ATP8B4: variants seen among roughly 807,000 people sequenced by gnomAD.
ATP8B4 encodes the protein probable phospholipid-transporting ATPase IM.
A neutral mutation model predicts 145.6 loss-of-function variants in ATP8B4; 133 were observed. The observed-to-expected ratio is 0.91, with a 90% CI of 0.79 to 1.05. The LOEUF is 1.05. ATP8B4 is among the 50% of genes least tolerant of loss of function. The pLI, the probability that ATP8B4 is intolerant of heterozygous loss-of-function variation, is 0.00. For missense variants in ATP8B4, 1,458 were observed against 1,425.2 expected, an observed-to-expected ratio of 1.02 and a Z score of -0.37; for synonymous variants, 507 against 492.9, an observed-to-expected ratio of 1.03 and a Z score of -0.38.
Position 49,922,478 on chromosome 15 carries a change from T to C in ATP8B4, c.1758+901A>G, listed in dbSNP as rs983342681. 15 of 397,206 alleles carry C rather than the reference T, an allele frequency of 3.8e-5. No individual in the cohort carries two copies. In the East Asian group the frequency reaches 1.1e-3, roughly 29 times the overall value. The allele number at this position is 397,206 out of a possible 1,614,324, so 24.6% of individuals were successfully genotyped here. A position where few individuals can be genotyped will look rare whatever the true frequency, so the allele number is the denominator to read the frequency against. On this transcript the variant is annotated intron_variant, in intron 17 of 27. Coordinates refer to ENST00000284509, the MANE Select transcript of ATP8B4 (RefSeq NM_024837.4). ...ACAATAGCTATGTTTGTAACCAATA[T>C]TACCAAACCATCATTTTTTAAATTT...
chr15:49,981,387 A>T lies in ATP8B4; in HGVS notation c.749-93T>A, dbSNP rs982740907. The T allele has an allele frequency of 1.0e-5, 10 of 982,538 alleles. No homozygotes were observed. In the African/African-American group the frequency reaches 1.5e-4, roughly 15 times the overall value. The allele number at this position is 982,538 out of a possible 1,614,324, so 60.9% of individuals were successfully genotyped here. A position where few individuals can be genotyped will look rare whatever the true frequency, so the allele number is the denominator to read the frequency against. ...TCAAATGTCTCTGAAAGAAAAAAAT[A>T]TATATTTTTCACAATAATTTAACTT... On this transcript the variant is annotated intron_variant, in intron 10 of 27. Coordinates refer to ENST00000284509, the MANE Select transcript of ATP8B4 (RefSeq NM_024837.4).
chr15:49,876,647 C>T, intron 24 of ATP8B4, 124 bp from the exon 25 acceptor site: 1 of 1,281,478 alleles, frequency 7.8e-7, no homozygotes, highest in Non-Finnish European at 1.1e-6. Flanking sequence ...ACTCACTGGG[C>T]CAGAACAGGA....
chr15:50,006,489 C>CAAAAAA (rs750033683), intron 7 of ATP8B4, among the ~76,000 whole-genome samples: 2 of 47,840 alleles, frequency 4.2e-5, no homozygotes, highest in South Asian at 7.8e-4. Context: ...ATGAGACCAC[C>CAAAAAA]AAAAAAAAAA....
At chr15:49,938,015 G>A (rs1303874366) in intron 14 of ATP8B4, among the ~76,000 whole-genome samples, 2 of 152,276 alleles carry the variant, frequency 1.3e-5, no homozygotes, top group South Asian at 2.1e-4. Flanking sequence ...AGGCAAGCAC[G>A]TTGGACCCGG....
At chr15:49,883,462 G>A (rs1598897074) in intron 23 of ATP8B4, 1 of 152,170 alleles carries the variant, frequency 6.6e-6, no homozygotes. Flanking sequence ...ATTCTCAGAA[G>A]TTTTGCTGCC....
At chr15:50,008,732 T>C (rs993767267) in intron 7 of ATP8B4, among the ~76,000 whole-genome samples, 5 of 152,164 alleles carry the variant, frequency 3.3e-5, no homozygotes, top group African/African-American at 9.7e-5. Flanking sequence ...CTTTGAGACA[T>C]AGATTTGACT....
At chr15:49,884,689 C>T (rs1395140448) in intron 23 of ATP8B4, among the ~76,000 whole-genome samples, 1 of 150,598 alleles carries the variant, frequency 6.6e-6, no homozygotes, top group Non-Finnish European at 1.5e-5. Flanking sequence ...AGAGCATACA[C>T]AATTTTATAT....
chr15:49,941,045 T>C (rs28412330), intron 14 of ATP8B4, among the ~76,000 whole-genome samples: 23,379 of 151,938 alleles, frequency 0.15, 2,969 homozygotes, highest in African/African-American at 0.35. Context: ...TTAGGTGTGA[T>C]TGCAACCAAA....
chr15:50,072,036 A>G (rs990804766), intron 3 of ATP8B4, among the ~76,000 whole-genome samples: 1 of 144,830 alleles, frequency 6.9e-6, no homozygotes, highest in Non-Finnish European at 1.5e-5. Flanking sequence ...ATATTAATAA[A>G]TATTAATATT....
At chr15:50,176,363 T>C (rs1349667414) in intron 1 of ATP8B4, among the ~76,000 whole-genome samples, 1 of 151,962 alleles carries the variant, frequency 6.6e-6, no homozygotes, top group Non-Finnish European at 1.5e-5. Flanking sequence ...CTTTGGGGAC[T>C]TGGGAAGAGT....
At chr15:49,945,954 C>A (rs187624578) in intron 14 of ATP8B4, among the ~76,000 whole-genome samples, 148 of 152,232 alleles carry the variant, frequency 9.7e-4, no homozygotes, top group African/African-American at 3.4e-3. Context: ...CAGGGATGCC[C>A]ATTCTCATCA....
chr15:50,111,048 T>C (rs2056915192), intron 1 of ATP8B4, among the ~76,000 whole-genome samples: 1 of 152,220 alleles, frequency 6.6e-6, no homozygotes, highest in Non-Finnish European at 1.5e-5. Context: ...ACCTTGATAT[T>C]GAAGATACCA....
At position 49,898,083 on chromosome 15, in the gene ATP8B4, C is replaced by T; in HGVS notation, c.2458G>A (p.Val820Ile). 1 of 1,613,766 alleles carries T rather than the reference C, an allele frequency of 6.2e-7. No individual in the cohort carries two copies. The highest frequency in any genetic ancestry group is 8.5e-7 in the Non-Finnish European group (1 of 1,179,792). ...ATCCTCTTACTTTTAATCATGCTGA[C>T]ATCATTGGCTCCATCACCAATGGCC... is the stretch of plus-strand genomic sequence containing the variant. ...TLAIGDGANDVSMIKSAHIGV... is the reference protein window; with the variant it reads ...TLAIGDGANDISMIKSAHIGV... Residue 820 changes from valine to isoleucine, a missense_variant, in exon 22 of 28, where the codon GTC becomes ATC. Transcript: ENST00000284509.
intron 6 of ATP8B4, among the ~76,000 whole-genome samples, chr15:50,014,961 T>C (rs1006866288): frequency 2.0e-5 from 3 of 152,204 alleles, no homozygotes; most frequent in Admixed American, 2.0e-4. Flanking sequence ...GCATTATTTG[T>C]AGCAGAAATT....
intron 1 of ATP8B4, among the ~76,000 whole-genome samples, chr15:50,137,749 G>A (rs2044142273): frequency 6.6e-6 from 1 of 152,196 alleles, no homozygotes; most frequent in Non-Finnish European, 1.5e-5. Context: ...GATCCTTAGA[G>A]ACATATACAG....
intron 6 of ATP8B4, among the ~76,000 whole-genome samples, chr15:50,034,907 T>C (rs1462907722): frequency 6.6e-6 from 1 of 152,204 alleles, no homozygotes; most frequent in Non-Finnish European, 1.5e-5. Flanking sequence ...AAGTATGTAT[T>C]GGTACTCGCA....
intron 6 of ATP8B4, among the ~76,000 whole-genome samples, chr15:50,031,568 GT>G (rs11301413): frequency 0.65 from 98,029 of 151,720 alleles, 32,907 homozygotes; most frequent in East Asian, 0.99. Flanking sequence ...TGATCTTTGG[GT>G]TTTTTTTTGT....
In ATP8B4 at chr15:49,859,126, A is replaced by G. The variant is rs1481429581; in HGVS notation, c.*1068T>C. ...TGTGGACTGAAATTTGAGCTGCAACATCTCCAAAAAAACAACCTTACCTAC... is the reference window on the plus strand; with the variant it reads ...TGTGGACTGAAATTTGAGCTGCAACGTCTCCAAAAAAACAACCTTACCTAC... On this transcript the variant is annotated 3_prime_UTR_variant, in exon 28 of 28. Coordinates refer to ENST00000284509, the MANE Select transcript of ATP8B4 (RefSeq NM_024837.4). The G allele has an allele frequency of 6.6e-6, 1 of 152,172 alleles. No homozygotes were observed. Among genetic ancestry groups the G allele is most frequent in the Non-Finnish European group, 1.5e-5 (1 of 68,038 alleles). 9.4% of individuals were successfully genotyped at this position (152,172 alleles called of 1,614,324 possible).
intron 23 of ATP8B4, 41 bp from the exon 24 acceptor site, chr15:49,879,500 T>C: frequency 6.6e-7 from 1 of 1,506,134 alleles, no homozygotes; most frequent in Non-Finnish European, 9.1e-7. Flanking sequence ...ACATCATCCA[T>C]AGTAGTGAGA....
Sources: gnomAD v4.1 joint callset for allele counts (sites outside exome capture counted in the v4.1 genomes callset) on GRCh38, gnomAD v4.1.1 for gene constraint, MANE v1.5 for transcripts, NCBI Gene and HGNC (gene_info 2026-07-23, HGNC 2026-07-21) for gene names.